ACKR3: variants seen among roughly 807,000 people sequenced by gnomAD.
The protein encoded by ACKR3 is atypical chemokine receptor 3, also known as C-X-C chemokine receptor type 7.
A neutral mutation model predicts 22.4 loss-of-function variants in ACKR3; 6 were observed. The ratio of observed to expected loss-of-function variants is 0.27; its 90% CI spans 0.15 to 0.53. ACKR3 has a LOEUF of 0.53. Ranked by LOEUF, ACKR3 falls within the 20% of genes least tolerant of loss-of-function variation. The pLI is 0.96. For missense variants in ACKR3, 396 were observed against 475.2 expected (o/e 0.83, Z 1.55); for synonymous variants, 209 against 205.2 (o/e 1.02, Z -0.16).
chr2:236,555,638 C>T, the ACKR3 span, among the ~76,000 whole-genome samples: 5 of 152,314 alleles, frequency 3.3e-5, no homozygotes, highest in African/African-American at 9.6e-5. Flanking sequence ...ACAGAGAAGA[C>T]ATCCTGATGT....
Position 236,569,888 on chromosome 2 carries a change from G to GAGCCCAGCCAGCCCAGCCAGCCCAGCC in ACKR3, c.-57_-31dup. 6.5e-6 allele frequency: 1 copy of GAGCCCAGCCAGCCCAGCCAGCCCAGCC among 152,824 alleles called. No homozygotes were observed. The highest frequency in any genetic ancestry group is 1.9e-4 in the East Asian group (1 of 5,214). 9.5% of individuals were successfully genotyped at this position (152,824 alleles called of 1,614,324 possible). On this transcript the variant is annotated 5_prime_UTR_variant, in exon 1 of 2. Transcript: ENST00000272928. ...GCACAGCACAGCCAGGAAGGCGAGC[G>GAGCCCAGCCAGCCCAGCCAGCCCAGCC]AGCCCAGCCAGCCCAGCCAGCCCAG... is the stretch of plus-strand genomic sequence containing the variant.
intron 1 of ACKR3, among the ~76,000 whole-genome samples, chr2:236,571,727 C>T (rs906402709): frequency 5.3e-5 from 8 of 150,784 alleles, no homozygotes; most frequent in African/African-American, 1.5e-4. Context: ...TTCAAGTCGA[C>T]GTGAGGGAAA....
At chr2:236,571,985 G>A (rs947792138) in intron 1 of ACKR3, among the ~76,000 whole-genome samples, 1 of 152,186 alleles carries the variant, frequency 6.6e-6, no homozygotes, top group Admixed American at 6.5e-5. Context: ...TTGCACGTGT[G>A]TAGGCATAAT....
chr2:236,575,932 G>A (rs762179737), intron 1 of ACKR3, among the ~76,000 whole-genome samples: 8 of 152,170 alleles, frequency 5.3e-5, no homozygotes, highest in Non-Finnish European at 7.4e-5. Flanking sequence ...GGAGAGAAAC[G>A]TATGAATTTG....
chr2:236,551,973 T>A, the ACKR3 span, among the ~76,000 whole-genome samples: 1 of 152,170 alleles, frequency 6.6e-6, no homozygotes, highest in Non-Finnish European at 1.5e-5. Flanking sequence ...CCCCTCCTCG[T>A]GGCTTGGTGA....
At chr2:236,575,192 T>C (rs1395685733) in intron 1 of ACKR3, among the ~76,000 whole-genome samples, 2 of 152,130 alleles carry the variant, frequency 1.3e-5, no homozygotes, top group Non-Finnish European at 2.9e-5. Flanking sequence ...TAATTCTTGA[T>C]GTCAAATTTC....
At chr2:236,543,619 G>A in the ACKR3 span, among the ~76,000 whole-genome samples, 2 of 152,068 alleles carry the variant, frequency 1.3e-5, no homozygotes, top group Non-Finnish European at 1.5e-5. Context: ...CTCCAGAGTG[G>A]GTGCCCAGTC....
In ACKR3 at chr2:236,581,704, CTT is replaced by C. The variant is rs1469154438; in HGVS notation, c.*152_*153del. Reference sequence around the variant, plus strand: ...CACGTGCCCCCTGCATCCATTCTCTCTTTCTCTTGATGACGCAGCTGTCATTT... The same window carrying C: ...CACGTGCCCCCTGCATCCATTCTCTCTCTCTTGATGACGCAGCTGTCATTT... On this transcript the variant is annotated 3_prime_UTR_variant, in exon 2 of 2. Coordinates refer to ENST00000272928, the MANE Select transcript of ACKR3 (RefSeq NM_020311.3). This position sits in a 1 kb window ranked among gnomAD's most constrained non-coding sequence, Gnocchi z 4.4. The C allele has an allele frequency of 2.0e-6, 2 of 1,017,646 alleles. No homozygotes were observed. The highest frequency in any genetic ancestry group is 3.3e-5 in the African/African-American group (2 of 61,432). 63.0% of individuals were successfully genotyped at this position (1,017,646 alleles called of 1,614,324 possible).
At chr2:236,567,885 G>C (rs1444711864), upstream of ACKR3, 1 of 153,420 alleles carries the variant, frequency 6.5e-6, no homozygotes, top group African/African-American at 2.4e-5. Context: ...GCGTGGGTGC[G>C]GGCCGTGGGT....
Position 236,580,440 on chromosome 2 carries a change from G to T in ACKR3, c.-26G>T. The T allele has an allele frequency of 1.9e-6, 3 of 1,591,460 alleles. No individual in the cohort carries two copies. Among genetic ancestry groups the T allele is most frequent in the Non-Finnish European group, 2.6e-6 (3 of 1,163,638 alleles). Reference sequence around the variant, plus strand: ...TTTTGTTTGCTTGGTTTTCTCATAGGTCATTTGATTGCCCGCCTCAGAACG... The same window carrying T: ...TTTTGTTTGCTTGGTTTTCTCATAGTTCATTTGATTGCCCGCCTCAGAACG... On this transcript the variant is annotated splice_region_variant and 5_prime_UTR_variant, in exon 2 of 2. Transcript: ENST00000272928.
intron 1 of ACKR3, among the ~76,000 whole-genome samples, chr2:236,571,618 G>GAAA (rs397988342): frequency 6.5e-4 from 50 of 76,586 alleles, no homozygotes; most frequent in Non-Finnish European, 6.8e-4. Context: ...CTTTCTGAAT[G>GAAA]AAAAAAAAAA....
Position 236,582,314 on chromosome 2 carries a change from T to C in ACKR3, c.*760T>C, listed in dbSNP as rs1230231176. 2 of 167,054 alleles carry C rather than the reference T, an allele frequency of 1.2e-5. No homozygotes were observed. The highest frequency in any genetic ancestry group is 4.8e-5 in the African/African-American group (2 of 41,446). The allele number at this position is 167,054 out of a possible 1,614,324, so 10.3% of individuals were successfully genotyped here. On this transcript the variant is annotated 3_prime_UTR_variant, in exon 2 of 2. Coordinates refer to ENST00000272928, the MANE Select transcript of ACKR3 (RefSeq NM_020311.3). ...CATTTCAGAGAGTTCTCTCAATTTG[T>C]AAGTTATTTTTTTTTAATAAAGATT... is the stretch of plus-strand genomic sequence containing the variant.
At chr2:236,537,752 G>A in the ACKR3 span, among the ~76,000 whole-genome samples, 1 of 152,188 alleles carries the variant, frequency 6.6e-6, no homozygotes, top group Non-Finnish European at 1.5e-5. Context: ...CTGGAGGGAG[G>A]GAAAATGTGT....
the ACKR3 span, among the ~76,000 whole-genome samples, chr2:236,560,064 A>T: frequency 6.6e-6 from 1 of 152,226 alleles, no homozygotes; most frequent in Non-Finnish European, 1.5e-5. Flanking sequence ...ACAAAAAGAA[A>T]TTTCTGGGAT....
At chr2:236,538,575 G>A in the ACKR3 span, among the ~76,000 whole-genome samples, 8 of 152,282 alleles carry the variant, frequency 5.3e-5, no homozygotes, top group East Asian at 9.7e-4. Context: ...AAGGTGGACC[G>A]GGGCAGAGCT....
At chr2:236,564,387 C>T (rs1007753017), upstream of ACKR3, among the ~76,000 whole-genome samples, 10 of 152,162 alleles carry the variant, frequency 6.6e-5, no homozygotes, top group Non-Finnish European at 7.3e-5. Context: ...TTTGTTGCTT[C>T]GTTCTTTTGT....
chr2:236,556,193 A>G, the ACKR3 span, among the ~76,000 whole-genome samples: 3 of 152,266 alleles, frequency 2.0e-5, no homozygotes, highest in South Asian at 6.2e-4. Flanking sequence ...GGACATCCAC[A>G]CCAGGGGACC....
upstream of ACKR3, among the ~76,000 whole-genome samples, chr2:236,565,456 A>G (rs965375164): frequency 6.6e-6 from 1 of 152,220 alleles, no homozygotes; most frequent in African/African-American, 2.4e-5. Flanking sequence ...TTATATAGTC[A>G]AAGTCGAAAC....
the ACKR3 span, among the ~76,000 whole-genome samples, chr2:236,542,268 C>T: frequency 2.6e-5 from 4 of 152,340 alleles, no homozygotes; most frequent in East Asian, 3.9e-4. Context: ...GGAGTTTTTA[C>T]GCTATAGACA....
Sources: gnomAD v4.1 joint callset for allele counts (sites outside exome capture counted in the v4.1 genomes callset) on GRCh38, gnomAD v4.1.1 for gene constraint, Gnocchi (gnomAD v3.1) non-coding constraint, MANE v1.5 for transcripts, NCBI Gene and HGNC (gene_info 2026-07-23, HGNC 2026-07-21) for gene names.